TMTC2: variants seen among roughly 807,000 people sequenced by gnomAD.
TMTC2 encodes the protein transmembrane O-mannosyltransferase targeting cadherins 2.
In TMTC2, 43 loss-of-function variants were observed where a neutral mutation model predicts 82.4. The ratio of observed to expected loss-of-function variants is 0.52; its 90% CI spans 0.41 to 0.67. TMTC2 has a LOEUF of 0.67. Among genes scored for constraint, TMTC2 ranks in the 30% least tolerant of loss-of-function variants. The pLI, the probability that TMTC2 is intolerant of heterozygous loss-of-function variation, is 0.00. For missense variants in TMTC2, 919 were observed against 1,012.4 expected (o/e 0.91, Z 1.25); for synonymous variants, 408 against 381.9 (o/e 1.07, Z -0.80).
At chr12:83,089,166 T>C (rs1206529962) in intron 11 of TMTC2, among the ~76,000 whole-genome samples, 1 of 152,212 alleles carries the variant, frequency 6.6e-6, no homozygotes, top group African/African-American at 2.4e-5. Flanking sequence ...CACTTCAAGA[T>C]GGCATCACCC....
intron 5 of TMTC2, 125 bp downstream of exon 5, chr12:82,965,234 T>C: frequency 1.4e-6 from 1 of 711,396 alleles, no homozygotes; most frequent in South Asian, 2.0e-5. Flanking sequence ...AATCAGATTA[T>C]GAACCTCTAA....
chr12:82,942,905 CAT>C (rs1191404610), intron 4 of TMTC2, among the ~76,000 whole-genome samples: 3 of 151,916 alleles, frequency 2.0e-5, no homozygotes, highest in South Asian at 2.1e-4. Flanking sequence ...TGTTTAGAAT[CAT>C]GTGTGATTAT....
At chr12:82,698,750 AC>A (rs1268011959) in intron 1 of TMTC2, among the ~76,000 whole-genome samples, 1 of 152,218 alleles carries the variant, frequency 6.6e-6, no homozygotes, top group Non-Finnish European at 1.5e-5. Context: ...TACAAGCACC[AC>A]TACTCTTGTG....
chr12:83,065,276 A>G (rs1565875064), intron 11 of TMTC2, among the ~76,000 whole-genome samples: 1 of 151,866 alleles, frequency 6.6e-6, no homozygotes, highest in African/African-American at 2.4e-5. Flanking sequence ...TGAAAGCCAT[A>G]TTTTCCACAT....
chr12:83,060,513 T>C (rs528779320), intron 10 of TMTC2, among the ~76,000 whole-genome samples: 3 of 151,876 alleles, frequency 2.0e-5, no homozygotes, highest in Non-Finnish European at 2.9e-5. Flanking sequence ...CTTCTTTACA[T>C]CACAGCTTCA....
At chr12:82,750,418 G>A (rs1875924852) in intron 1 of TMTC2, among the ~76,000 whole-genome samples, 1 of 152,084 alleles carries the variant, frequency 6.6e-6, no homozygotes, top group African/African-American at 2.4e-5. Flanking sequence ...TTCTTTAGGG[G>A]CTTAGAGGAT....
At chr12:82,735,435 T>C (rs1371197467) in intron 1 of TMTC2, among the ~76,000 whole-genome samples, 2 of 151,094 alleles carry the variant, frequency 1.3e-5, no homozygotes, top group Admixed American at 6.6e-5. Flanking sequence ...AAGCTCCGCC[T>C]CCCAGGTTCA....
At chr12:82,979,078 T>C (rs1049021830) in intron 7 of TMTC2, among the ~76,000 whole-genome samples, 2 of 151,774 alleles carry the variant, frequency 1.3e-5, no homozygotes, top group Non-Finnish European at 3.0e-5. Flanking sequence ...TGTGTCTTTA[T>C]AGGTAAAGTG....
chr12:82,722,566 C>CAAAAA (rs772607761), intron 1 of TMTC2, among the ~76,000 whole-genome samples: 2 of 44,380 alleles, frequency 4.5e-5, no homozygotes, highest in East Asian at 1.7e-3. Flanking sequence ...GACTCCATCT[C>CAAAAA]AAAAAAAAAA....
intron 1 of TMTC2, among the ~76,000 whole-genome samples, chr12:82,813,491 C>T (rs968869285): frequency 6.6e-6 from 1 of 151,946 alleles, no homozygotes; most frequent in Non-Finnish European, 1.5e-5. Context: ...CTTTCTAAAC[C>T]CTTAACCATT....
chr12:83,095,803 G>A (rs905846729), intron 11 of TMTC2, among the ~76,000 whole-genome samples: 2 of 151,942 alleles, frequency 1.3e-5, no homozygotes, highest in Non-Finnish European at 2.9e-5. Context: ...CTGTAATTAG[G>A]TTAAATATGC....
intron 1 of TMTC2, among the ~76,000 whole-genome samples, chr12:82,808,688 C>A (rs1223907182): frequency 1.3e-5 from 2 of 152,060 alleles, no homozygotes; most frequent in East Asian, 1.9e-4. Context: ...TTCCAGTATT[C>A]TTCTCCTGCC....
chr12:82,819,316 CTTT>C (rs910466009), intron 1 of TMTC2, among the ~76,000 whole-genome samples: 21 of 152,036 alleles, frequency 1.4e-4, no homozygotes, highest in African/African-American at 4.8e-4. Context: ...ATAATGTTAA[CTTT>C]TTAATCAGAT....
intron 1 of TMTC2, among the ~76,000 whole-genome samples, chr12:82,723,376 C>T (rs1293418265): frequency 6.6e-6 from 1 of 152,138 alleles, no homozygotes; most frequent in African/African-American, 2.4e-5. Context: ...GCAAGGCTTC[C>T]TGAGAGTTAA....
At chr12:82,785,754 T>G (rs904403827) in intron 1 of TMTC2, among the ~76,000 whole-genome samples, 4 of 152,088 alleles carry the variant, frequency 2.6e-5, no homozygotes, top group Non-Finnish European at 4.4e-5. Context: ...ATGGTTCCCT[T>G]TGTCACTTTG....
At chr12:83,041,601 A>G (rs1881899296) in intron 9 of TMTC2, among the ~76,000 whole-genome samples, 1 of 152,222 alleles carries the variant, frequency 6.6e-6, no homozygotes, top group Admixed American at 6.5e-5. Context: ...GAGACACAGT[A>G]AAAACCTAGG....
intron 1 of TMTC2, among the ~76,000 whole-genome samples, chr12:82,831,713 T>G (rs144192120): frequency 3.3e-5 from 5 of 152,190 alleles, no homozygotes; most frequent in Non-Finnish European, 5.9e-5. Flanking sequence ...GCTCAGAAAT[T>G]ATTAATCTCA....
At chr12:83,041,807 G>T (rs1057479963) in intron 9 of TMTC2, among the ~76,000 whole-genome samples, 2 of 152,092 alleles carry the variant, frequency 1.3e-5, no homozygotes, top group Admixed American at 6.5e-5. Context: ...GTAAGTACAC[G>T]CTCACTTAAC....
chr12:82,771,386 T>C (rs1355460291), intron 1 of TMTC2, among the ~76,000 whole-genome samples: 2 of 152,122 alleles, frequency 1.3e-5, no homozygotes, highest in Non-Finnish European at 2.9e-5. Context: ...AATTGTGTTT[T>C]AAATAATCAC....
Sources: gnomAD v4.1 joint callset for allele counts (sites outside exome capture counted in the v4.1 genomes callset) on GRCh38, gnomAD v4.1.1 for gene constraint, MANE v1.5 for transcripts, NCBI Gene and HGNC (gene_info 2026-07-23, HGNC 2026-07-21) for gene names.